The following PARD3B variants were observed in gnomAD, a reference collection of about 807,000 sequenced individuals.
The protein encoded by PARD3B is par-3 family cell polarity regulator beta, also known as partitioning defective 3 homolog B.
PARD3B carries 103 observed loss-of-function variants against 130.2 expected under a neutral mutation model. That is an observed-to-expected ratio of 0.79 (90% CI 0.67 to 0.93). The LOEUF (loss-of-function observed/expected upper bound fraction) is 0.93, where lower values mean the gene tolerates loss of function less well. Ranked by LOEUF, PARD3B falls within the 40% of genes least tolerant of loss-of-function variation. The probability of loss-of-function intolerance (pLI) is 0.00; values close to 1 mark genes in which losing one functional copy is unlikely to be tolerated. For missense variants in PARD3B, 1,609 were observed against 1,499.2 expected, an observed-to-expected ratio of 1.07 and a Z score of -1.21; for synonymous variants, 583 against 553.2, an observed-to-expected ratio of 1.05 and a Z score of -0.76.
rs1324148493 is a variant in PARD3B, at chr2:205,037,100, CGG to C, written c.395-10480_395-10479del. 4.0e-5 allele frequency among the ~76,000 whole-genome samples: 5 copies of C among 125,894 alleles called. No homozygotes were observed. In the East Asian group the frequency reaches 6.4e-4, roughly 16 times the overall value. The allele number at this position is 125,894 out of a possible 152,430, so 82.6% of individuals were successfully genotyped here. A position where few individuals can be genotyped will look rare whatever the true frequency, so the allele number is the denominator to read the frequency against. On this transcript the variant is annotated intron_variant, in intron 3 of 22. Transcript: ENST00000406610. ...ATATAAAACAAATATACATATATAG[CGG>C]ACTGTATATATAAAACAAATATACA...
At chr2:204,882,011 C>T (rs896894227) in intron 2 of PARD3B, among the ~76,000 whole-genome samples, 5 of 152,274 alleles carry the variant, frequency 3.3e-5, no homozygotes, top group South Asian at 4.1e-4. Context: ...CACATCCTGG[C>T]GTCAGGCAGC....
At chr2:204,711,327 T>A (rs2038422534) in intron 2 of PARD3B, among the ~76,000 whole-genome samples, 1 of 152,162 alleles carries the variant, frequency 6.6e-6, no homozygotes, top group African/African-American at 2.4e-5. Flanking sequence ...AACAAGACTC[T>A]AGATTGATTT....
chr2:204,938,082 C>T (rs1688605289), intron 2 of PARD3B, among the ~76,000 whole-genome samples: 1 of 152,174 alleles, frequency 6.6e-6, no homozygotes. Context: ...GAGATGAAAA[C>T]CATGCCTACT....
intron 12 of PARD3B, among the ~76,000 whole-genome samples, chr2:205,173,868 C>A (rs73982806): frequency 0.024 from 3,662 of 152,210 alleles, 112 homozygotes; most frequent in African/African-American, 0.065. Flanking sequence ...CCCTAGGACT[C>A]CATGGAACCC....
At chr2:205,434,311 T>C (rs1262112910) in intron 19 of PARD3B, among the ~76,000 whole-genome samples, 1 of 152,226 alleles carries the variant, frequency 6.6e-6, no homozygotes, top group East Asian at 1.9e-4. Context: ...ATTACTTGTT[T>C]ATGTCTCCCT....
chr2:204,935,145 A>AC (rs1688320207), intron 2 of PARD3B, among the ~76,000 whole-genome samples: 1 of 116,792 alleles, frequency 8.6e-6, no homozygotes, highest in Non-Finnish European at 2.0e-5. Flanking sequence ...TGTTTTCCCT[A>AC]CTTTTTTTTT....
chr2:204,764,740 G>GTGTGTGTGTGTA (rs1340443843), intron 2 of PARD3B, among the ~76,000 whole-genome samples: 1 of 151,892 alleles, frequency 6.6e-6, no homozygotes, highest in African/African-American at 2.4e-5. Flanking sequence ...GTGTGTGTGT[G>GTGTGTGTGTGTA]TGTAGTTAAT....
At chr2:204,667,072 G>A (rs1240062955) in intron 1 of PARD3B, among the ~76,000 whole-genome samples, 1 of 152,192 alleles carries the variant, frequency 6.6e-6, no homozygotes, top group Non-Finnish European at 1.5e-5. Flanking sequence ...GAGAGAGGAT[G>A]AGGAAATGCT....
intron 2 of PARD3B, among the ~76,000 whole-genome samples, chr2:204,749,104 A>G (rs773196695): frequency 5.3e-4 from 79 of 148,700 alleles, no homozygotes; most frequent in Non-Finnish European, 1.0e-3. Flanking sequence ...AACACCCCCA[A>G]ACTGATCTGT....
intron 1 of PARD3B, among the ~76,000 whole-genome samples, chr2:204,646,504 T>A (rs936455579): frequency 7.9e-5 from 12 of 152,088 alleles, no homozygotes; most frequent in Non-Finnish European, 1.8e-4. Context: ...CATATTAATA[T>A]ATTAAACGTG....
intron 1 of PARD3B, among the ~76,000 whole-genome samples, chr2:204,665,878 TAA>T (rs2036001054): frequency 6.6e-6 from 1 of 152,230 alleles, no homozygotes; most frequent in African/African-American, 2.4e-5. Flanking sequence ...TAGCAAACTT[TAA>T]AGAGTTTGTG....
chr2:204,922,512 G>T (rs1165021441), intron 2 of PARD3B, among the ~76,000 whole-genome samples: 2 of 151,972 alleles, frequency 1.3e-5, no homozygotes, highest in Admixed American at 1.3e-4. Flanking sequence ...GCAGGTTCAG[G>T]GGAGTAGTAG....
chr2:205,347,038 C>T (rs1218116342), intron 18 of PARD3B, among the ~76,000 whole-genome samples: 1 of 152,218 alleles, frequency 6.6e-6, no homozygotes, highest in East Asian at 1.9e-4. Flanking sequence ...TTGCCTTCCA[C>T]TTATTTCCAT....
chr2:204,938,681 T>G (rs982309155), intron 2 of PARD3B, among the ~76,000 whole-genome samples: 5 of 152,226 alleles, frequency 3.3e-5, no homozygotes, highest in Non-Finnish European at 5.9e-5. Flanking sequence ...TTCCTCAATA[T>G]CACCCTAGAC....
intron 22 of PARD3B, among the ~76,000 whole-genome samples, chr2:205,574,640 G>A (rs372180605): frequency 6.6e-6 from 1 of 152,024 alleles, no homozygotes; most frequent in South Asian, 2.1e-4. Flanking sequence ...CACTCCAGTG[G>A]GGGGGCAACT....
chr2:204,895,057 A>T (rs1375503385), intron 2 of PARD3B, among the ~76,000 whole-genome samples: 1 of 52,446 alleles, frequency 1.9e-5, no homozygotes, highest in Non-Finnish European at 3.4e-5. Flanking sequence ...AAGACCTACC[A>T]AAAAAAACCC....
intron 2 of PARD3B, among the ~76,000 whole-genome samples, chr2:204,775,873 A>C (rs114034388): frequency 6.6e-6 from 1 of 152,112 alleles, no homozygotes; most frequent in Non-Finnish European, 1.5e-5. Context: ...TTTCTATTTA[A>C]AAATCTTTCT....
intron 2 of PARD3B, among the ~76,000 whole-genome samples, chr2:204,723,682 T>C (rs1194729463): frequency 6.6e-6 from 1 of 152,026 alleles, no homozygotes; most frequent in Non-Finnish European, 1.5e-5. Flanking sequence ...GGATGAAAAG[T>C]GTAGTGTGAT....
rs185278722 is a variant in PARD3B at position 205,418,506 on chromosome 2, A to G, written c.2741+17383A>G. Among the ~76,000 whole-genome samples, 377 of 152,272 alleles carry G rather than the reference A, an allele frequency of 2.5e-3. 2 individuals are homozygous for G. The highest frequency in any genetic ancestry group is 7.7e-3 in the African/African-American group (319 of 41,538). On this transcript the variant is annotated intron_variant, in intron 19 of 22. Coordinates refer to ENST00000406610, the MANE Select transcript of PARD3B (RefSeq NM_001302769.2). ...TGCTGAAAGGGGGTTTAAAAATGCT[A>G]TATGATCACAGAGAAGGCAGCCATG... is the stretch of plus-strand genomic sequence containing the variant.
Sources: gnomAD v4.1 joint callset for allele counts (sites outside exome capture counted in the v4.1 genomes callset) on GRCh38, gnomAD v4.1.1 for gene constraint, MANE v1.5 for transcripts, NCBI Gene and HGNC (gene_info 2026-07-23, HGNC 2026-07-21) for gene names.